ITPR2: variants seen among roughly 807,000 people sequenced by gnomAD.
The protein encoded by ITPR2 is inositol 1,4,5-trisphosphate receptor type 2.
Under a neutral mutation model 317.1 loss-of-function variants are expected in ITPR2, and 207 were observed. The observed-to-expected ratio is 0.65, with a 90% CI of 0.58 to 0.73. ITPR2 has a LOEUF of 0.73. ITPR2 is among the 30% of genes least tolerant of loss of function. ITPR2 has a pLI of 0.00. For synonymous variants in ITPR2, 1,156 were observed against 1,149.1 expected, an observed-to-expected ratio of 1.01 and a Z score of -0.12; for missense variants, 2,613 against 3,284.0, an observed-to-expected ratio of 0.80 and a Z score of 4.99.
chr12:26,768,936 G>A (rs1190751603), intron 2 of ITPR2, among the ~76,000 whole-genome samples: 2 of 151,174 alleles, frequency 1.3e-5, no homozygotes, highest in East Asian at 3.9e-4. Flanking sequence ...TTATCCTCCA[G>A]TTCTTCATGG....
Position 26,655,779 on chromosome 12 carries a change from C to T in ITPR2, c.2518G>A (p.Glu840Lys). ...TGGTTTACAACTTCTTTCAAATATTCTTCAACAAATTCCATTGTCAGGGCA... is the reference window on the plus strand; with the variant it reads ...TGGTTTACAACTTCTTTCAAATATTTTTCAACAAATTCCATTGTCAGGGCA... ...KFALTMEFVE[E>K]YLKEVVNQPF... Residue 840 changes from glutamate (E) to lysine (K), a missense_variant, in exon 20 of 57, where the codon GAA becomes AAA. By Grantham distance (56) the Glu-to-Lys change is moderately conservative. Around this residue, in one of 9 missense-constraint regions of ITPR2, gnomAD observed 817 missense variants for 897.6 expected, o/e 0.91. Transcript: ENST00000381340. The T allele has an allele frequency of 6.2e-7, 1 of 1,612,682 alleles. No individual in the cohort carries two copies. The highest frequency in any genetic ancestry group is 8.5e-7 in the Non-Finnish European group (1 of 1,179,152).
intron 32 of ITPR2, among the ~76,000 whole-genome samples, chr12:26,593,669 G>C (rs763168454): frequency 2.0e-5 from 3 of 151,768 alleles, no homozygotes; most frequent in Non-Finnish European, 4.4e-5. Flanking sequence ...AATTCCCCTA[G>C]AGCTTTAATA....
chr12:26,787,599 G>A (rs1048586308), intron 2 of ITPR2, among the ~76,000 whole-genome samples: 1 of 152,196 alleles, frequency 6.6e-6, no homozygotes, highest in Non-Finnish European at 1.5e-5. Flanking sequence ...CACCCATGAA[G>A]CGTAAATGTT....
Position 26,624,362 on chromosome 12 carries a change from A to G in ITPR2, c.3065-6T>C, listed in dbSNP as rs763102133. 3 of 1,600,766 alleles carry G rather than the reference A, an allele frequency of 1.9e-6. No individual in the cohort carries two copies. Among genetic ancestry groups the G allele is most frequent in the Non-Finnish European group, 2.6e-6 (3 of 1,170,922 alleles). ...ATCTATATCAGGAACAATAGCTGCA[A>G]AGATAAATGGTAAAATCTCTTCTTT... On this transcript the variant is annotated splice_region_variant and splice_polypyrimidine_tract_variant and intron_variant, in intron 23 of 56. Coordinates refer to ENST00000381340, the MANE Select transcript of ITPR2 (RefSeq NM_002223.4).
intron 50 of ITPR2, 87 bp from the exon 51 acceptor site, chr12:26,415,585 C>A (rs1592003343): frequency 4.3e-6 from 4 of 923,722 alleles, no homozygotes; most frequent in East Asian, 2.7e-5. Flanking sequence ...AATACAAATG[C>A]AAGCCATTCT....
Position 26,400,217 on chromosome 12 carries a change from T to G in ITPR2, c.7441A>C (p.Thr2481Pro). 1 of 1,601,430 alleles carries G rather than the reference T, an allele frequency of 6.2e-7. No homozygotes were observed. The highest frequency in any genetic ancestry group is 8.5e-7 in the Non-Finnish European group (1 of 1,172,038). Residue 2481 changes from threonine to proline, a missense_variant, in exon 53 of 57, where the codon ACT becomes CCT. Physicochemically the swap from Thr to Pro is conservative, Grantham distance 38 (BLOSUM62 -1). Around this residue, in one of 9 missense-constraint regions of ITPR2, gnomAD observed 113 missense variants for 129.2 expected, o/e 0.87. Coordinates refer to ENST00000381340, the MANE Select transcript of ITPR2 (RefSeq NM_002223.4). ...ACGGTGACAATGCACATAAGGAGAG[T>G]GTCACACGTCCTTTCAATTCCATCT... is the stretch of plus-strand genomic sequence containing the variant. ...YEDGIERTCD[T>P]LLMCIVTVLN...
At chr12:26,353,628 T>C (rs779190457) in intron 55 of ITPR2, among the ~76,000 whole-genome samples, 2 of 152,268 alleles carry the variant, frequency 1.3e-5, no homozygotes, top group Non-Finnish European at 2.9e-5. Flanking sequence ...TAAACAATAA[T>C]AATTTGGCTC....
In ITPR2 at chr12:26,582,622, A is replaced by AT. The variant is rs1006545715; in HGVS notation, c.4381-2468dup. ...CTTCTTGCTCATCTTTTATGATGTG[A>AT]TTTTTTTTTGCTATTATAAAGAATT... On this transcript the variant is annotated intron_variant, in intron 32 of 56. Coordinates refer to ENST00000381340, the MANE Select transcript of ITPR2 (RefSeq NM_002223.4). Among the ~76,000 whole-genome samples, 236 of 150,888 alleles carry AT rather than the reference A, an allele frequency of 1.6e-3. 2 individuals carry two copies. Among genetic ancestry groups the AT allele is most frequent in the African/African-American group, 4.1e-3 (169 of 41,114 alleles).
intron 37 of ITPR2, among the ~76,000 whole-genome samples, chr12:26,506,319 G>A (rs888623164): frequency 1.3e-5 from 2 of 151,792 alleles, no homozygotes; most frequent in Non-Finnish European, 2.9e-5. Flanking sequence ...GACTGGCCTG[G>A]GAAACTTAGC....
intron 43 of ITPR2, 40 bp downstream of exon 43, chr12:26,481,091 G>C (rs749113744): frequency 2.6e-6 from 3 of 1,156,856 alleles, no homozygotes; most frequent in East Asian, 2.3e-5. Context: ...GTACTATAGA[G>C]ACTGTAGCTT....
chr12:26,743,945 G>A (rs1274504021), intron 2 of ITPR2, among the ~76,000 whole-genome samples: 2 of 152,066 alleles, frequency 1.3e-5, no homozygotes, highest in Admixed American at 6.5e-5. Context: ...ACCTCTATAG[G>A]TTCTACCTTT....
chr12:26,656,760 T>C (rs1470034531), intron 18 of ITPR2, among the ~76,000 whole-genome samples: 2 of 152,180 alleles, frequency 1.3e-5, no homozygotes, highest in Non-Finnish European at 2.9e-5. Context: ...ACAATACCTC[T>C]TACTTGTTTC....
In ITPR2 at chr12:26,336,395, C is replaced by T. The variant is rs1423019934; in HGVS notation, c.*3002G>A. On this transcript the variant is annotated 3_prime_UTR_variant, in exon 57 of 57. Coordinates refer to ENST00000381340, the MANE Select transcript of ITPR2 (RefSeq NM_002223.4). ...TTAGTTCTGACGAAAGAAATATCTT[C>T]CTGATGTTATTAACAATCTACTAGA... is the stretch of plus-strand genomic sequence containing the variant. 2 of 152,158 alleles carry T rather than the reference C, an allele frequency of 1.3e-5. No homozygotes were observed. The highest frequency in any genetic ancestry group is 4.8e-5 in the African/African-American group (2 of 41,448). The allele number at this position is 152,158 out of a possible 1,614,324, so 9.4% of individuals were successfully genotyped here.
In ITPR2 at chr12:26,428,095, A is replaced by C. The variant is rs1478658665; in HGVS notation, c.6770-7T>G. ...AACAATGGAGAAAGTGTACCTGTAA[A>C]ATGTGGAAGAAATTTATTGCTACTA... On this transcript the variant is annotated splice_region_variant and splice_polypyrimidine_tract_variant and intron_variant, in intron 48 of 56. Transcript: ENST00000381340. 1.3e-6 allele frequency: 2 copies of C among 1,575,808 alleles called. No individual in the cohort carries two copies. The highest frequency in any genetic ancestry group is 2.0e-5 in the Admixed American group (1 of 51,144).
At chr12:26,612,898 C>T (rs965100975) in intron 26 of ITPR2, among the ~76,000 whole-genome samples, 2 of 152,230 alleles carry the variant, frequency 1.3e-5, no homozygotes, top group Non-Finnish European at 2.9e-5. Context: ...TACATGCTAA[C>T]TCCTCCCAGT....
intron 52 of ITPR2, among the ~76,000 whole-genome samples, chr12:26,404,473 G>T (rs139291132): frequency 7.2e-5 from 11 of 152,162 alleles, no homozygotes; most frequent in Non-Finnish European, 1.5e-4. Context: ...TAATTTTAAA[G>T]ATGTCAAAAT....
intron 55 of ITPR2, among the ~76,000 whole-genome samples, chr12:26,379,203 A>G (rs938594268): frequency 1.3e-5 from 2 of 152,202 alleles, no homozygotes; most frequent in African/African-American, 4.8e-5. Flanking sequence ...TCATGTGTAC[A>G]ATGGGGATAA....
chr12:26,493,778 T>C (rs983962680), intron 39 of ITPR2, among the ~76,000 whole-genome samples: 1 of 152,202 alleles, frequency 6.6e-6, no homozygotes, highest in African/African-American at 2.4e-5. Flanking sequence ...GCACTCGGGC[T>C]CATGCAGCAT....
At chr12:26,470,807 G>C (rs904014056) in intron 45 of ITPR2, among the ~76,000 whole-genome samples, 1 of 152,080 alleles carries the variant, frequency 6.6e-6, no homozygotes, top group Non-Finnish European at 1.5e-5. Context: ...AAACTTCTTG[G>C]AATTTATCCT....
Sources: allele counts gnomAD v4.1 joint callset (sites outside exome capture counted in the v4.1 genomes callset), GRCh38; gene constraint gnomAD v4.1.1; regional missense constraint gnomAD v4.1.1; transcripts MANE v1.5; gene names NCBI Gene and HGNC (gene_info 2026-07-23, HGNC 2026-07-21).